MOCS1: variants seen among roughly 807,000 people sequenced by gnomAD.
MOCS1 encodes the protein molybdenum cofactor biosynthesis protein 1.
MOCS1 carries 39 observed loss-of-function variants against 57.6 expected under a neutral mutation model. That is an observed-to-expected ratio of 0.68 (90% confidence interval 0.52 to 0.88). The LOEUF (loss-of-function observed/expected upper bound fraction) is 0.88. Ranked by LOEUF, MOCS1 falls within the 40% of genes least tolerant of loss-of-function variation. The pLI is 0.00. For synonymous variants in MOCS1, 334 were observed against 335.7 expected (o/e 1.00, Z 0.05); for missense variants, 795 against 831.1 (o/e 0.96, Z 0.53).
Position 39,934,277 on chromosome 6 carries a change from C to T in MOCS1, c.123+18G>A, listed in dbSNP as rs767641511. 1.6e-5 allele frequency: 24 copies of T among 1,532,740 alleles called. No homozygotes were observed. Among genetic ancestry groups the T allele is most frequent in the Non-Finnish European group, 2.1e-5 (24 of 1,146,178 alleles). 94.9% of individuals were successfully genotyped at this position (1,532,740 alleles called of 1,614,324 possible). On this transcript the variant is annotated intron_variant, in intron 1 of 10. Transcript: ENST00000340692. Reference sequence around the variant, plus strand: ...CTCCTGCCCCGGGAAGCTGTGGACGCAGGCGGGGTGGGCTCACCTCCGAGG... The same window carrying T: ...CTCCTGCCCCGGGAAGCTGTGGACGTAGGCGGGGTGGGCTCACCTCCGAGG...
intron 3 of MOCS1, among the ~76,000 whole-genome samples, chr6:39,923,683 G>C (rs1467716052): frequency 6.6e-6 from 1 of 152,264 alleles, no homozygotes; most frequent in East Asian, 1.9e-4. Context: ...AGCTTGCCTG[G>C]GCCAGCTCAG....
At position 39,906,271 on chromosome 6, in the gene MOCS1, G is replaced by T. The variant is rs764916903; in HGVS notation, c.*86C>A. 10 of 1,535,852 alleles carry T rather than the reference G, an allele frequency of 6.5e-6. No individual in the cohort carries two copies. ...CTCAAGGTAAACAAACAGTGACTGT[G>T]ATTAAAGGAACCTGACGTCTTTCCC... is the stretch of plus-strand genomic sequence containing the variant. On this transcript the variant is annotated 3_prime_UTR_variant, in exon 11 of 11. Transcript: ENST00000340692.
intron 3 of MOCS1, among the ~76,000 whole-genome samples, chr6:39,917,442 T>C (rs1368676340): frequency 6.6e-6 from 1 of 152,094 alleles, no homozygotes; most frequent in East Asian, 1.9e-4. Context: ...AGAAGAGATT[T>C]GGGTGGGGAC....
intron 7 of MOCS1, 35 bp from the exon 8 acceptor site, chr6:39,912,409 G>A (rs1282495863): frequency 1.4e-6 from 2 of 1,452,712 alleles, no homozygotes; most frequent in East Asian, 4.5e-5. Flanking sequence ...AAGGGCAGTG[G>A]AGGGGATGGG....
intron 8 of MOCS1, among the ~76,000 whole-genome samples, chr6:39,910,899 C>G (rs1021053676): frequency 1.3e-5 from 2 of 152,074 alleles, no homozygotes; most frequent in Non-Finnish European, 2.9e-5. Flanking sequence ...GGCATTTCTC[C>G]CCTACTTCCT....
chr6:39,925,657 G>A (rs564403078), intron 3 of MOCS1, 21 bp downstream of exon 3: 19 of 1,612,646 alleles, frequency 1.2e-5, no homozygotes, highest in African/African-American at 2.7e-5. Flanking sequence ...GAGAAGTGGC[G>A]ATGACTTTCG....
At chr6:39,927,251 T>C (rs760593810) in intron 2 of MOCS1, 78 bp downstream of exon 2, 4 of 1,562,940 alleles carry the variant, frequency 2.6e-6, no homozygotes, top group Non-Finnish European at 3.5e-6. Context: ...ACAGGAGGAT[T>C]TCCAGGCACA....
At position 39,907,020 on chromosome 6, in the gene MOCS1, G is replaced by A; in HGVS notation, c.1248C>T (p.Phe416=). The A allele has an allele frequency of 1.2e-6, 2 of 1,613,962 alleles. No individual in the cohort carries two copies. Among genetic ancestry groups the A allele is most frequent in the Non-Finnish European group, 1.7e-6 (2 of 1,179,882 alleles). The change falls in exon 11 of 11, where the codon TTC becomes TTT. Residue 416 remains phenylalanine (F), a synonymous_variant. Transcript: ENST00000340692. Reference sequence around the variant, plus strand: ...TCCATAAAGTGGCCACCTGGCTGGAGAAACTCATTCTGGGTCTTAGACCCT... The same window carrying A: ...TCCATAAAGTGGCCACCTGGCTGGAAAAACTCATTCTGGGTCTTAGACCCT... ...HVQGLRPRMS[F]SSQVATLWKG...
At chr6:39,924,336 C>T (rs534682029) in intron 3 of MOCS1, among the ~76,000 whole-genome samples, 43 of 152,298 alleles carry the variant, frequency 2.8e-4, no homozygotes, top group African/African-American at 9.6e-4. Context: ...ATTCATTCAG[C>T]GAATTTCAGG....
At chr6:39,915,959 C>T in intron 4 of MOCS1, 109 bp downstream of exon 4, 1 of 1,253,432 alleles carries the variant, frequency 8.0e-7, no homozygotes, top group Non-Finnish European at 1.1e-6. Flanking sequence ...TTACTGATAG[C>T]CCAGACACCA....
At chr6:39,929,298 C>T (rs1768520672) in intron 1 of MOCS1, among the ~76,000 whole-genome samples, 1 of 152,150 alleles carries the variant, frequency 6.6e-6, no homozygotes. Flanking sequence ...CAAACTCAAC[C>T]CATTGCCTTT....
intron 1 of MOCS1, chr6:39,927,794 G>T: frequency 7.2e-7 from 1 of 1,391,224 alleles, no homozygotes; most frequent in South Asian, 1.5e-5. Context: ...CCAAAAAAAG[G>T]ATTGTGCACC....
rs1003462974 is a variant in MOCS1, at chr6:39,934,177, A to AACG, written c.123+115_123+117dup. 17 of 1,330,766 alleles carry AACG rather than the reference A, an allele frequency of 1.3e-5. No homozygotes were observed. In the African/African-American group the frequency reaches 2.6e-4, roughly 20 times the overall value. The allele number at this position is 1,330,766 out of a possible 1,614,324, so 82.4% of individuals were successfully genotyped here. On this transcript the variant is annotated intron_variant, in intron 1 of 10. Transcript: ENST00000340692. ...GAACATCGCTCCACTGAGGAGTGCC[A>AACG]ACGGGTCCCTCCCAGAAGCGGTCAA...
At chr6:39,931,397 C>CA (rs11442016) in intron 1 of MOCS1, among the ~76,000 whole-genome samples, 79,995 of 151,840 alleles carry the variant, frequency 0.53, 22,519 homozygotes, top group East Asian at 0.82. Context: ...ATCTAAGTAT[C>CA]GTGGCCCTGA....
Position 39,909,071 on chromosome 6 carries a change from C to T in MOCS1, c.1134G>A (p.Arg378=). The change falls in exon 10 of 11, where the codon CGG becomes CGA. Residue 378 remains arginine (R), a synonymous_variant. Coordinates refer to ENST00000340692, the MANE Select transcript of MOCS1 (RefSeq NM_001358530.2). ...GTCACCCACCGATGAGGATCATGGG[C>T]CGGTTCTTCATCTGGGAAATACTGA... ...GMFSISQMKN[R]PMILIELFLM... The T allele has an allele frequency of 6.2e-7, 1 of 1,610,862 alleles. No homozygotes were observed. Among genetic ancestry groups the T allele is most frequent in the South Asian group, 1.1e-5 (1 of 90,820 alleles).
chr6:39,909,077 C>T lies in MOCS1; in HGVS notation c.1128G>A (p.Lys376=), dbSNP rs779440411. Residue 376 remains lysine (K), a synonymous_variant, in exon 10 of 11, where the codon AAG becomes AAA. Coordinates refer to ENST00000340692, the MANE Select transcript of MOCS1 (RefSeq NM_001358530.2). ...CACCGATGAGGATCATGGGCCGGTT[C>T]TTCATCTGGGAAATACTGAACATGC... ...HAGMFSISQM[K]NRPMILIELF... is the part of the protein sequence containing the mutation. 1 of 1,609,134 alleles carries T rather than the reference C, an allele frequency of 6.2e-7. No individual in the cohort carries two copies. Among genetic ancestry groups the T allele is most frequent in the East Asian group, 2.2e-5 (1 of 44,688 alleles).
rs543089472 is a variant in MOCS1, at chr6:39,932,944, C to G, written c.123+1351G>C. 1.1e-4 allele frequency among the ~76,000 whole-genome samples: 17 copies of G among 152,282 alleles called. No individual in the cohort carries two copies. In the South Asian group the frequency reaches 3.5e-3, roughly 32 times the overall value. On this transcript the variant is annotated intron_variant, in intron 1 of 10. Coordinates refer to ENST00000340692, the MANE Select transcript of MOCS1 (RefSeq NM_001358530.2). ...GAATCCCTAATAAGGGATGGGGCTG[C>G]CCCAGAGTCTATGTTCTCCTTTCTG...
Position 39,906,471 on chromosome 6 carries a change from C to T in MOCS1, c.1797G>A (p.Val599=), listed in dbSNP as rs1371272223. The part of the protein sequence containing the change: ...VEMEALTSAA[V]AALTLYDMCK... ...ACATGTCATACAGGGTGAGGGCGGC[C>T]ACTGCAGCAGAGGTCAGGGCCTCCA... Residue 599 remains valine, a synonymous_variant, in exon 11 of 11, where the codon GTG becomes GTA. Coordinates refer to ENST00000340692, the MANE Select transcript of MOCS1 (RefSeq NM_001358530.2). 3 of 1,613,950 alleles carry T rather than the reference C, an allele frequency of 1.9e-6. No individual in the cohort carries two copies. In the South Asian group the frequency reaches 3.3e-5, roughly 18 times the overall value.
intron 1 of MOCS1, among the ~76,000 whole-genome samples, chr6:39,929,877 T>C (rs1023577841): frequency 7.0e-6 from 1 of 142,116 alleles, no homozygotes; most frequent in Admixed American, 7.5e-5. Context: ...AGAAGGCAGA[T>C]GTGGCAGTCA....
Sources: gnomAD v4.1 joint callset for allele counts (sites outside exome capture counted in the v4.1 genomes callset) on GRCh38, gnomAD v4.1.1 for gene constraint, MANE v1.5 for transcripts, NCBI Gene and HGNC (gene_info 2026-07-23, HGNC 2026-07-21) for gene names.